Variants in DYNC2H1 observed in about 807,000 individuals in gnomAD.
DYNC2H1 encodes dynein cytoplasmic 2 heavy chain 1.
A neutral mutation model predicts 570.0 loss-of-function variants in DYNC2H1; 410 were observed. The observed-to-expected ratio is 0.72, with a 90% CI of 0.66 to 0.78. The LOEUF is 0.78. DYNC2H1 is among the 30% of genes least tolerant of loss of function. The pLI, the probability that DYNC2H1 is intolerant of heterozygous loss-of-function variation, is 0.00. For synonymous variants in DYNC2H1, 1,688 were observed against 1,677.6 expected, an observed-to-expected ratio of 1.01 and a Z score of -0.15; for missense variants, 4,865 against 5,046.4, an observed-to-expected ratio of 0.96 and a Z score of 1.09.
intron 82 of DYNC2H1, among the ~76,000 whole-genome samples, chr11:103,347,606 G>A (rs7106696): frequency 1.2e-3 from 187 of 152,172 alleles, no homozygotes; most frequent in African/African-American, 4.3e-3. Context: ...CTTTGAAAAT[G>A]TTCATAATAA....
intron 83 of DYNC2H1, among the ~76,000 whole-genome samples, chr11:103,394,970 T>C (rs1942335295): frequency 6.6e-6 from 1 of 152,038 alleles, no homozygotes; most frequent in Non-Finnish European, 1.5e-5. Context: ...TTTTCTTTCC[T>C]TTTTTATTCC....
intron 83 of DYNC2H1, among the ~76,000 whole-genome samples, chr11:103,384,053 T>A (rs1220036147): frequency 6.6e-6 from 1 of 152,218 alleles, no homozygotes; most frequent in African/African-American, 2.4e-5. Flanking sequence ...ATTTGCTTTA[T>A]GGCCCACTAT....
At chr11:103,297,084 A>G (rs952700780) in intron 75 of DYNC2H1, among the ~76,000 whole-genome samples, 1 of 152,130 alleles carries the variant, frequency 6.6e-6, no homozygotes, top group African/African-American at 2.4e-5. Flanking sequence ...CTGGATTTAA[A>G]TATCATTCTT....
chr11:103,162,725 A>T (rs1861148491), intron 29 of DYNC2H1, among the ~76,000 whole-genome samples: 1 of 152,154 alleles, frequency 6.6e-6, no homozygotes, highest in African/African-American at 2.4e-5. Flanking sequence ...CTCATATTAT[A>T]TTGGCTTGTA....
chr11:103,455,902 T>G (rs1411280694), intron 86 of DYNC2H1, among the ~76,000 whole-genome samples: 3 of 152,168 alleles, frequency 2.0e-5, no homozygotes, highest in African/African-American at 7.2e-5. Flanking sequence ...TTTAGTTGTT[T>G]AGTAACTCTC....
chr11:103,389,150 C>T (rs575407983), intron 83 of DYNC2H1, among the ~76,000 whole-genome samples: 38 of 152,110 alleles, frequency 2.5e-4, no homozygotes, highest in African/African-American at 3.9e-4. Context: ...TTTTGGTTGG[C>T]AAGCTATGAA....
intron 88 of DYNC2H1, among the ~76,000 whole-genome samples, chr11:103,469,665 A>G (rs1945310088): frequency 6.6e-6 from 1 of 152,192 alleles, no homozygotes; most frequent in Non-Finnish European, 1.5e-5. Flanking sequence ...GTTTCTGTCA[A>G]AATTCCCTAT....
intron 83 of DYNC2H1, among the ~76,000 whole-genome samples, chr11:103,378,878 G>A (rs1027699288): frequency 6.6e-6 from 1 of 151,964 alleles, no homozygotes; most frequent in Admixed American, 6.6e-5. Context: ...TTATTTCTTT[G>A]AAAGTGACTA....
In DYNC2H1 at chr11:103,341,505, C is replaced by T. The variant is rs907056588; in HGVS notation, c.12040-16738C>T. 1.4e-4 allele frequency among the ~76,000 whole-genome samples: 22 copies of T among 152,154 alleles called. 1 individual carries two copies. The highest frequency in any genetic ancestry group is 6.5e-5 in the Admixed American group (1 of 15,284). On this transcript the variant is annotated intron_variant, in intron 82 of 88. Transcript: ENST00000375735. The stretch of plus-strand genomic sequence containing the variant: ...GGGAAGTTAGTTTACAAGGTAGATT[C>T]CTAAGTTCTATCCCAGGTCTGTAAA...
At chr11:103,278,661 A>C (rs1866006957) in intron 70 of DYNC2H1, among the ~76,000 whole-genome samples, 1 of 151,910 alleles carries the variant, frequency 6.6e-6, no homozygotes, top group Non-Finnish European at 1.5e-5. Flanking sequence ...CCGCCTCCAG[A>C]GTTGAAGTGA....
intron 88 of DYNC2H1, 89 bp from the exon 89 acceptor site, chr11:103,479,006 A>ATATTAATATGTTTGTTTCCTTGGTTATC: frequency 2.9e-6 from 4 of 1,384,946 alleles, no homozygotes; most frequent in Non-Finnish European, 3.0e-6. Flanking sequence ...TCATAATATA[A>ATATTAATATGTTTGTTTCCTTGGTTATC]TATTAATATG....
intron 25 of DYNC2H1, among the ~76,000 whole-genome samples, chr11:103,156,001 A>G (rs1034966255): frequency 1.3e-5 from 2 of 152,200 alleles, no homozygotes; most frequent in African/African-American, 4.8e-5. Flanking sequence ...CAGAATCTAC[A>G]ATAAGATTAC....
At chr11:103,136,654 T>C (rs1859573371) in intron 17 of DYNC2H1, among the ~76,000 whole-genome samples, 1 of 152,222 alleles carries the variant, frequency 6.6e-6, no homozygotes, top group Non-Finnish European at 1.5e-5. Flanking sequence ...GTTCCAAGTC[T>C]TTGCTATTGT....
Position 103,168,929 on chromosome 11 carries a change from A to G in DYNC2H1, c.4937A>G (p.Asp1646Gly). Reference sequence around the variant, plus strand: ...CATACATGTTGTGTTCAAATGGTGGATTCTGAATTTCAGTATACTTATGAA... The same window carrying G: ...CATACATGTTGTGTTCAAATGGTGGGTTCTGAATTTCAGTATACTTATGAA... The part of the protein sequence containing the change: ...SDHTCCVQMV[D>G]SEFQYTYEYQ... The change falls in exon 32 of 89, where the codon GAT becomes GGT. Residue 1646 changes from aspartate to glycine, a missense_variant. Physicochemically the swap from Asp to Gly is moderately conservative, Grantham distance 94. This residue lies in a region of DYNC2H1 where 1,936 missense variants were observed against 1,962.1 expected (regional missense o/e 0.99). Coordinates refer to ENST00000375735, the MANE Select transcript of DYNC2H1 (RefSeq NM_001377.3). The G allele has an allele frequency of 6.2e-7, 1 of 1,612,126 alleles. No individual in the cohort carries two copies. Among genetic ancestry groups the G allele is most frequent in the Non-Finnish European group, 8.5e-7 (1 of 1,179,220 alleles).
At chr11:103,288,925 C>T (rs1478291127) in intron 75 of DYNC2H1, among the ~76,000 whole-genome samples, 1 of 150,678 alleles carries the variant, frequency 6.6e-6, no homozygotes, top group African/African-American at 2.4e-5. Context: ...AGGGGTCATG[C>T]AGCCTCGGGC....
chr11:103,215,875 C>A lies in DYNC2H1; in HGVS notation c.8832+17C>A, dbSNP rs753227666. 1.2e-6 allele frequency: 2 copies of A among 1,600,024 alleles called. No homozygotes were observed. Among genetic ancestry groups the A allele is most frequent in the Admixed American group, 3.4e-5 (2 of 57,998 alleles). ...TCAATGCAGGTAATGTTTAGAGTGA[C>A]CACAAAAATGAAAACAATATGGAGA... is the stretch of plus-strand genomic sequence containing the variant. On this transcript the variant is annotated intron_variant, in intron 55 of 88. Transcript: ENST00000375735.
intron 35 of DYNC2H1, 118 bp downstream of exon 35, chr11:103,173,423 AT>A: frequency 1.4e-6 from 1 of 709,088 alleles, no homozygotes; most frequent in Non-Finnish European, 2.1e-6. Flanking sequence ...TATTCTGATG[AT>A]TTTATTGTAC....
At chr11:103,436,696 C>T (rs993871713) in intron 85 of DYNC2H1, among the ~76,000 whole-genome samples, 8 of 152,080 alleles carry the variant, frequency 5.3e-5, no homozygotes, top group Non-Finnish European at 8.8e-5. Flanking sequence ...CATTTGTCAT[C>T]ACTCATCCCT....
intron 40 of DYNC2H1, among the ~76,000 whole-genome samples, chr11:103,182,460 T>C (rs974830861): frequency 2.0e-5 from 3 of 151,808 alleles, no homozygotes; most frequent in Non-Finnish European, 4.4e-5. Context: ...ATGTGAAGCA[T>C]AATACAAGAG....
Sources: allele counts gnomAD v4.1 joint callset (sites outside exome capture counted in the v4.1 genomes callset), GRCh38; gene constraint gnomAD v4.1.1; regional missense constraint gnomAD v4.1.1; transcripts MANE v1.5; gene names NCBI Gene and HGNC (gene_info 2026-07-23, HGNC 2026-07-21).